TRIM44: variants seen among roughly 807,000 people sequenced by gnomAD.
TRIM44 encodes tripartite motif containing 44, also known as tripartite motif-containing protein 44.
A neutral mutation model predicts 37.4 loss-of-function variants in TRIM44; 13 were observed. The observed-to-expected ratio is 0.35, with a 90% CI of 0.23 to 0.55. TRIM44 has a LOEUF of 0.55. Ranked by LOEUF, TRIM44 falls within the 20% of genes least tolerant of loss-of-function variation. TRIM44 has a pLI of 0.89. For synonymous variants in TRIM44, 175 were observed against 157.2 expected, an observed-to-expected ratio of 1.11 and a Z score of -0.85; for missense variants, 426 against 437.2, an observed-to-expected ratio of 0.97 and a Z score of 0.23.
intron 4 of TRIM44, among the ~76,000 whole-genome samples, chr11:35,780,875 C>T (rs1437423628): frequency 6.6e-6 from 1 of 151,360 alleles, no homozygotes; most frequent in Non-Finnish European, 1.5e-5. Flanking sequence ...TATTAAGCAC[C>T]TACATTATGC....
intron 1 of TRIM44, among the ~76,000 whole-genome samples, chr11:35,681,564 G>A (rs1381836310): frequency 3.3e-5 from 5 of 152,186 alleles, no homozygotes. Flanking sequence ...GATGGAGGTG[G>A]AGAAGTACAG....
In TRIM44 at chr11:35,817,379, C is replaced by A. The variant is rs181785067; in HGVS notation, c.*10994C>A. The A allele has an allele frequency of 3.9e-5, 6 of 152,198 alleles. No homozygotes were observed. Among genetic ancestry groups the A allele is most frequent in the African/African-American group, 1.4e-4 (6 of 41,438 alleles). The allele number at this position is 152,198 out of a possible 1,614,324, so 9.4% of individuals were successfully genotyped here. ...GCACATCATGTTCTCTCTCTACATG[C>A]GCCTAAAATGACGGGTAGGGTCAGA... On this transcript the variant is annotated 3_prime_UTR_variant, in exon 5 of 5. Coordinates refer to ENST00000299413, the MANE Select transcript of TRIM44 (RefSeq NM_017583.6).
At chr11:35,709,277 A>G (rs147251147) in intron 2 of TRIM44, among the ~76,000 whole-genome samples, 2 of 152,262 alleles carry the variant, frequency 1.3e-5, no homozygotes, top group African/African-American at 4.8e-5. Context: ...TCCTGTGCCT[A>G]ATGCATAAGC....
Position 35,779,585 on chromosome 11 carries a change from T to C in TRIM44, c.1008-26773T>C, listed in dbSNP as rs573163756. ...CCATCCCCTCCTCTCCCATCTTATCTGTCCAAAAGCTCTTTAGTTTAATTA... is the reference window on the plus strand; with the variant it reads ...CCATCCCCTCCTCTCCCATCTTATCCGTCCAAAAGCTCTTTAGTTTAATTA... On this transcript the variant is annotated intron_variant, in intron 4 of 4. Coordinates refer to ENST00000299413, the MANE Select transcript of TRIM44 (RefSeq NM_017583.6). Among the ~76,000 whole-genome samples the C allele has an allele frequency of 2.6e-5, 4 of 152,324 alleles. No homozygotes were observed. In the South Asian group the frequency reaches 8.3e-4, roughly 32 times the overall value.
chr11:35,668,428 A>G (rs562870308), intron 1 of TRIM44, among the ~76,000 whole-genome samples: 39 of 152,170 alleles, frequency 2.6e-4, no homozygotes, highest in Non-Finnish European at 3.2e-4. Context: ...CATATGTTCT[A>G]TCATTCAGCT....
chr11:35,805,437 C>T (rs73440805), intron 4 of TRIM44, among the ~76,000 whole-genome samples: 4,810 of 152,268 alleles, frequency 0.032, 258 homozygotes, highest in African/African-American at 0.11. Flanking sequence ...CTCCCAGGTC[C>T]AAGCCAGAGG....
At chr11:35,744,813 G>A (rs1432825062) in intron 4 of TRIM44, among the ~76,000 whole-genome samples, 1 of 152,134 alleles carries the variant, frequency 6.6e-6, no homozygotes, top group Non-Finnish European at 1.5e-5. Flanking sequence ...AAGTGAGAAT[G>A]TGCAGTGCTT....
In TRIM44 at chr11:35,662,916, C is replaced by A. The variant is rs1161910736; in HGVS notation, c.-196C>A. 4 of 910,034 alleles carry A rather than the reference C, an allele frequency of 4.4e-6. No homozygotes were observed. Among genetic ancestry groups the A allele is most frequent in the Non-Finnish European group, 6.0e-6 (4 of 669,738 alleles). The allele number at this position is 910,034 out of a possible 1,614,324, so 56.4% of individuals were successfully genotyped here. ...AGGGACAGAGCGGAGCAGGCCGAGC[C>A]GGCGGAAAGGGTCTTTGCTGCTGCG... is the stretch of plus-strand genomic sequence containing the variant. On this transcript the variant is annotated 5_prime_UTR_variant, in exon 1 of 5. Coordinates refer to ENST00000299413, the MANE Select transcript of TRIM44 (RefSeq NM_017583.6).
At position 35,763,175 on chromosome 11, in the gene TRIM44, A is replaced by G. The variant is rs562105876; in HGVS notation, c.1007+27730A>G. ...AAATGCTGGCAAAGGGAAAAGGGCA[A>G]TAGAAAACCATGCAATCCACCCTAG... On this transcript the variant is annotated intron_variant, in intron 4 of 4. Transcript: ENST00000299413. Among the ~76,000 whole-genome samples, 3 of 152,294 alleles carry G rather than the reference A, an allele frequency of 2.0e-5. No homozygotes were observed. In the East Asian group the frequency reaches 5.8e-4, roughly 29 times the overall value.
At position 35,807,850 on chromosome 11, in the gene TRIM44, C is replaced by T. The variant is rs1408915814; in HGVS notation, c.*1465C>T. On this transcript the variant is annotated 3_prime_UTR_variant, in exon 5 of 5. Coordinates refer to ENST00000299413, the MANE Select transcript of TRIM44 (RefSeq NM_017583.6). ...GCATACAACTAGAACCATATCCAAG[C>T]AGACTCTGGGTTGCTGTTAACCCAG... 3 of 152,236 alleles carry T rather than the reference C, an allele frequency of 2.0e-5. No individual in the cohort carries two copies. Among genetic ancestry groups the T allele is most frequent in the Non-Finnish European group, 4.4e-5 (3 of 68,020 alleles). The allele number at this position is 152,236 out of a possible 1,614,324, so 9.4% of individuals were successfully genotyped here.
intron 4 of TRIM44, among the ~76,000 whole-genome samples, chr11:35,772,180 G>T (rs1411453497): frequency 6.6e-6 from 1 of 152,240 alleles, no homozygotes; most frequent in Admixed American, 6.5e-5. Context: ...ACTAAAGTTT[G>T]AGAACCTCCA....
intron 4 of TRIM44, among the ~76,000 whole-genome samples, chr11:35,770,154 A>G (rs1341299729): frequency 6.6e-6 from 1 of 152,154 alleles, no homozygotes; most frequent in African/African-American, 2.4e-5. Flanking sequence ...GAGAATATGC[A>G]GTATTTGGTT....
intron 4 of TRIM44, among the ~76,000 whole-genome samples, chr11:35,764,009 G>A (rs1382371836): frequency 2.0e-5 from 3 of 152,160 alleles, no homozygotes; most frequent in Admixed American, 6.5e-5. Flanking sequence ...TCTGTTTGGA[G>A]AGAAACTTTA....
intron 3 of TRIM44, among the ~76,000 whole-genome samples, chr11:35,734,594 G>A (rs1434122890): frequency 2.6e-5 from 4 of 152,220 alleles, no homozygotes; most frequent in Admixed American, 1.3e-4. Context: ...TAAAAGATAC[G>A]CTGACACCAA....
At position 35,817,608 on chromosome 11, in the gene TRIM44, T is replaced by G. The variant is rs1241733244; in HGVS notation, c.*11223T>G. 1 of 152,214 alleles carries G rather than the reference T, an allele frequency of 6.6e-6. No individual in the cohort carries two copies. The highest frequency in any genetic ancestry group is 1.5e-5 in the Non-Finnish European group (1 of 68,044). The allele number at this position is 152,214 out of a possible 1,614,324, so 9.4% of individuals were successfully genotyped here. A position where few individuals can be genotyped will look rare whatever the true frequency, so the allele number is the denominator to read the frequency against. On this transcript the variant is annotated 3_prime_UTR_variant, in exon 5 of 5. Coordinates refer to ENST00000299413, the MANE Select transcript of TRIM44 (RefSeq NM_017583.6). Reference sequence around the variant, plus strand: ...ATACAAGGAAAGCTGAATCCATATGTAGACTTCATGGAGACTAGTACTGCT... The same window carrying G: ...ATACAAGGAAAGCTGAATCCATATGGAGACTTCATGGAGACTAGTACTGCT...
Position 35,663,285 on chromosome 11 carries a change from C to T in TRIM44, c.174C>T (p.Ala58=), listed in dbSNP as rs34392570. 3.5e-4 allele frequency: 566 copies of T among 1,614,032 alleles called. 2 individuals are homozygous for T. In the African/African-American group the frequency reaches 5.9e-3, roughly 17 times the overall value. ...AGAAGTTCCTCAGTCACCATCTGGC[C>T]GAATACGTCCACGGCTCCCAGGCCT... is the stretch of plus-strand genomic sequence containing the variant. ...HRQKFLSHHL[A]EYVHGSQAWT... Residue 58 remains alanine, a synonymous_variant, in exon 1 of 5, where the codon GCC becomes GCT. Coordinates refer to ENST00000299413, the MANE Select transcript of TRIM44 (RefSeq NM_017583.6).
rs140728750 is a variant in TRIM44 at position 35,745,990 on chromosome 11, G to C, written c.1007+10545G>C. Among the ~76,000 whole-genome samples the C allele has an allele frequency of 6.4e-4, 97 of 152,224 alleles. 3 individuals carry two copies. The East Asian group carries it at 0.017, about 27-fold the overall frequency. On this transcript the variant is annotated intron_variant, in intron 4 of 4. Transcript: ENST00000299413. ...CTATTCAAGGACCTGCTGTAGTTTA[G>C]TTCCTTCTAAATTAATGGAGAAAAG...
chr11:35,757,288 G>T (rs191982822), intron 4 of TRIM44, among the ~76,000 whole-genome samples: 1 of 152,278 alleles, frequency 6.6e-6, no homozygotes, highest in Non-Finnish European at 1.5e-5. Context: ...ATTTATTTGC[G>T]TAGAGGTGTT....
chr11:35,709,863 T>A (rs994506430), intron 2 of TRIM44, among the ~76,000 whole-genome samples: 2 of 152,150 alleles, frequency 1.3e-5, no homozygotes, highest in African/African-American at 4.8e-5. Context: ...GGAGTCTAAT[T>A]GAAAAATGAA....
Sources: allele counts gnomAD v4.1 joint callset (sites outside exome capture counted in the v4.1 genomes callset), GRCh38; gene constraint gnomAD v4.1.1; transcripts MANE v1.5; gene names NCBI Gene and HGNC (gene_info 2026-07-23, HGNC 2026-07-21).